KIAA1210: variants seen among roughly 807,000 people sequenced by gnomAD.
The protein encoded by KIAA1210 is KIAA1210, also known as acrosomal protein KIAA1210.
A neutral mutation model predicts 78.9 loss-of-function variants in KIAA1210; 48 were observed. The ratio of observed to expected loss-of-function variants is 0.61; its 90% CI spans 0.48 to 0.77. KIAA1210 has a LOEUF of 0.77. KIAA1210 is among the 30% of genes least tolerant of loss of function. KIAA1210 has a pLI of 0.00. For missense variants in KIAA1210, 1,108 were observed against 1,100.0 expected (o/e 1.01, Z -0.10); for synonymous variants, 406 against 404.5 (o/e 1.00, Z -0.04).
chrX:119,122,574 T>C (rs1483552238), intron 2 of KIAA1210, among the ~76,000 whole-genome samples: 1 of 112,605 alleles, frequency 8.9e-6, no homozygotes, highest in Non-Finnish European at 1.9e-5. Flanking sequence ...CCTTCTTTTA[T>C]AGGCATCTGT....
At chrX:119,146,767 A>G (rs1465499245) in intron 2 of KIAA1210, among the ~76,000 whole-genome samples, 1 of 111,244 alleles carries the variant, frequency 9.0e-6, no homozygotes, top group Non-Finnish European at 1.9e-5. Context: ...GCACCCATCA[A>G]TTCTCCTATC....
In KIAA1210 at chrX:119,080,718, T is replaced by C. The variant is rs1313670938; in HGVS notation, c.*611A>G. 1.8e-5 allele frequency: 2 copies of C among 112,460 alleles called. No homozygotes were observed. The highest frequency in any genetic ancestry group is 6.5e-5 in the African/African-American group (2 of 30,967). 9.3% of individuals were successfully genotyped at this position (112,460 alleles called of 1,213,427 possible). A position where few individuals can be genotyped will look rare whatever the true frequency, so the allele number is the denominator to read the frequency against. On this transcript the variant is annotated 3_prime_UTR_variant, in exon 12 of 12. Transcript: ENST00000691062. ...TTTACAGCAGTGCAAATGTTTTCGATAGTTTTAATAGAGGAAATGCTGGGT... is the reference window on the plus strand; with the variant it reads ...TTTACAGCAGTGCAAATGTTTTCGACAGTTTTAATAGAGGAAATGCTGGGT...
At chrX:119,102,002 C>T (rs1325299363) in intron 6 of KIAA1210, among the ~76,000 whole-genome samples, 2 of 112,458 alleles carry the variant, frequency 1.8e-5, no homozygotes, top group African/African-American at 3.2e-5. Flanking sequence ...ACACAGTGCC[C>T]GTTACATAAG....
At chrX:119,118,217 A>T (rs767326682) in intron 2 of KIAA1210, among the ~76,000 whole-genome samples, 22 of 111,782 alleles carry the variant, frequency 2.0e-4, no homozygotes, top group African/African-American at 7.2e-4. Context: ...GAGTCAGAAA[A>T]TTCTGGAATC....
intron 6 of KIAA1210, among the ~76,000 whole-genome samples, chrX:119,097,739 C>T (rs752586508): frequency 8.9e-6 from 1 of 111,749 alleles, no homozygotes; most frequent in Non-Finnish European, 1.9e-5. Flanking sequence ...CATTCCAGTG[C>T]ATGGGGACTT....
intron 2 of KIAA1210, among the ~76,000 whole-genome samples, chrX:119,135,756 A>T (rs963065302): frequency 5.3e-5 from 6 of 112,284 alleles, no homozygotes; most frequent in African/African-American, 1.9e-4. Context: ...AGGAAAAAAA[A>T]GTAAAAGTAG....
chrX:119,125,076 G>T (rs993896637), intron 1 of KIAA1210, among the ~76,000 whole-genome samples: 1 of 111,680 alleles, frequency 9.0e-6, no homozygotes, highest in African/African-American at 3.3e-5. Flanking sequence ...AAAGCAGTTA[G>T]CAGAAAAAGA....
chrX:119,115,219 C>CA (rs980673929), intron 3 of KIAA1210, among the ~76,000 whole-genome samples: 5 of 110,704 alleles, frequency 4.5e-5, no homozygotes, highest in African/African-American at 1.6e-4. Flanking sequence ...TCCTTGCACA[C>CA]AAAAAAATCC....
At chrX:119,102,578 A>C (rs1927766961) in intron 6 of KIAA1210, among the ~76,000 whole-genome samples, 1 of 110,412 alleles carries the variant, frequency 9.1e-6, no homozygotes. Flanking sequence ...GGCTTCGGAG[A>C]CTTATTTGTA....
At chrX:119,104,649 A>C (rs1927832449) in intron 6 of KIAA1210, among the ~76,000 whole-genome samples, 1 of 111,232 alleles carries the variant, frequency 9.0e-6, no homozygotes, top group Admixed American at 9.5e-5. Context: ...GTGTCTATCA[A>C]ATAATACTAT....
Position 119,093,652 on chromosome X carries a change from T to G in KIAA1210, c.955+15A>C. On this transcript the variant is annotated intron_variant, in intron 8 of 11. Coordinates refer to ENST00000691062, the MANE Select transcript of KIAA1210 (RefSeq NM_001394962.1). The stretch of plus-strand genomic sequence containing the variant: ...TGTCATACATGTTTCTGGGTGAGGG[T>G]GAAGATATGCTAACCTGCACTGTCC... 8.7e-7 allele frequency: 1 copy of G among 1,144,681 alleles called. No individual in the cohort carries two copies. 94.3% of individuals were successfully genotyped at this position (1,144,681 alleles called of 1,213,427 possible).
intron 2 of KIAA1210, among the ~76,000 whole-genome samples, chrX:119,135,381 C>T (rs752892496): frequency 8.9e-6 from 1 of 112,043 alleles, no homozygotes; most frequent in Admixed American, 9.5e-5. Flanking sequence ...AAAAATGACC[C>T]ACTAGATACA....
Position 119,088,758 on chromosome X carries a change from G to A in KIAA1210, c.1944C>T (p.Asp648=), listed in dbSNP as rs199910637. The A allele has an allele frequency of 1.2e-4, 142 of 1,209,645 alleles. No individual in the cohort carries two copies. The highest frequency in any genetic ancestry group is 1.6e-4 in the Non-Finnish European group (140 of 895,080). Residue 648 remains aspartate (D), a synonymous_variant, in exon 9 of 12, where the codon GAC becomes GAT. Coordinates refer to ENST00000691062, the MANE Select transcript of KIAA1210 (RefSeq NM_001394962.1). ...CCAGCTCCTCCTCAGAGCTGCTCAA[G>A]TCCTCAACAAAACTTTTTGATTCTG... ...VFSESKSFVE[D]LSSSEEELDL... is the part of the protein sequence containing the mutation.
chrX:119,141,018 C>A (rs1348796503), intron 2 of KIAA1210, among the ~76,000 whole-genome samples: 1 of 112,454 alleles, frequency 8.9e-6, no homozygotes, highest in African/African-American at 3.2e-5. Flanking sequence ...AATGCAGAAA[C>A]CTTTGTTAAT....
At position 119,088,840 on chromosome X, in the gene KIAA1210, G is replaced by A. The variant is rs772266851; in HGVS notation, c.1862C>T (p.Ala621Val). 15 of 1,211,307 alleles carry A rather than the reference G, an allele frequency of 1.2e-5. No individual in the cohort carries two copies. Among genetic ancestry groups the A allele is most frequent in the African/African-American group, 1.7e-5 (1 of 57,786 alleles). ...PEEGDGSEEL[A>V]HGHSSQSLGK... is the part of the protein sequence containing the mutation. ...CAAGGACTGGGAAGAGTGACCATGA[G>A]CCAGTTCTTCAGAACCATCCCCCTC... The change falls in exon 9 of 12, where the codon GCT (alanine) becomes GTT (valine). Residue 621 changes from alanine to valine, a missense_variant. Coordinates refer to ENST00000691062, the MANE Select transcript of KIAA1210 (RefSeq NM_001394962.1).
chrX:119,106,155 T>C (rs1014872770), intron 5 of KIAA1210, among the ~76,000 whole-genome samples: 4 of 111,218 alleles, frequency 3.6e-5, no homozygotes, highest in Non-Finnish European at 7.5e-5. Flanking sequence ...CCAGGCCCCA[T>C]TGGGAGCTCT....
chrX:119,107,346 G>C (rs1354230890), intron 5 of KIAA1210, among the ~76,000 whole-genome samples: 2 of 112,501 alleles, frequency 1.8e-5, no homozygotes, highest in Non-Finnish European at 3.8e-5. Flanking sequence ...CTGGGACTTA[G>C]AGAGGAGGGG....
Position 119,080,989 on chromosome X carries a change from G to C in KIAA1210, c.*340C>G, listed in dbSNP as rs12391835. 0.031 allele frequency: 4,265 copies of C among 138,659 alleles called. 214 individuals carry two copies. Among genetic ancestry groups the C allele is most frequent in the African/African-American group, 0.13 (3,997 of 31,973 alleles). The allele number at this position is 138,659 out of a possible 1,213,427, so 11.4% of individuals were successfully genotyped here. A position where few individuals can be genotyped will look rare whatever the true frequency, so the allele number is the denominator to read the frequency against. ...ATTTAAAACGCTGATGCTTGGCCGG[G>C]CGCGGTGGCTCACGCCTGTAATCCC... On this transcript the variant is annotated 3_prime_UTR_variant, in exon 12 of 12. Coordinates refer to ENST00000691062, the MANE Select transcript of KIAA1210 (RefSeq NM_001394962.1).
At chrX:119,103,825 G>T in intron 6 of KIAA1210, among the ~76,000 whole-genome samples, 1 of 112,140 alleles carries the variant, frequency 8.9e-6, no homozygotes, top group Non-Finnish European at 1.9e-5. Flanking sequence ...AACACATTAT[G>T]CTAAGTGAAA....
Sources: gnomAD v4.1 joint callset for allele counts (sites outside exome capture counted in the v4.1 genomes callset) on GRCh38, gnomAD v4.1.1 for gene constraint, MANE v1.5 for transcripts, NCBI Gene and HGNC (gene_info 2026-07-23, HGNC 2026-07-21) for gene names.